ZBTB16: variants seen among roughly 807,000 people sequenced by gnomAD.
ZBTB16 encodes zinc finger and BTB domain containing 16, also known as zinc finger and BTB domain-containing protein 16.
ZBTB16 carries 8 observed loss-of-function variants against 56.8 expected under a neutral mutation model. The ratio of observed to expected loss-of-function variants is 0.14; its 90% CI spans 0.08 to 0.25. The LOEUF (loss-of-function observed/expected upper bound fraction) is 0.25, where lower values mean the gene tolerates loss of function less well. Among genes scored for constraint, ZBTB16 ranks in the 10% least tolerant of loss-of-function variants. The pLI, the probability that ZBTB16 is intolerant of heterozygous loss-of-function variation, is 1.00. For synonymous variants in ZBTB16, 363 were observed against 368.5 expected (o/e 0.98, Z 0.17); for missense variants, 625 against 903.0 (o/e 0.69, Z 3.95).
intron 2 of ZBTB16, among the ~76,000 whole-genome samples, chr11:114,107,966 T>A (rs1940856926): frequency 6.6e-6 from 1 of 151,878 alleles, no homozygotes; most frequent in Non-Finnish European, 1.5e-5. Context: ...CATTTTCACC[T>A]CCTCTCCTCC....
intron 2 of ZBTB16, among the ~76,000 whole-genome samples, chr11:114,147,767 T>TAC (rs1942147343): frequency 2.0e-5 from 3 of 152,256 alleles, no homozygotes; most frequent in Non-Finnish European, 4.4e-5. Context: ...CTGTAATACC[T>TAC]TGCTTACATC....
intron 2 of ZBTB16, among the ~76,000 whole-genome samples, chr11:114,114,988 C>T (rs1237399546): frequency 6.6e-6 from 1 of 152,040 alleles, no homozygotes; most frequent in African/African-American, 2.4e-5. Context: ...TGGCCCAGGT[C>T]GTTCCATGCT....
chr11:114,114,532 C>G (rs1335824151), intron 2 of ZBTB16, among the ~76,000 whole-genome samples: 1 of 152,050 alleles, frequency 6.6e-6, no homozygotes, highest in Non-Finnish European at 1.5e-5. Flanking sequence ...TGTTTCAGTT[C>G]TTATCAAAAA....
At chr11:114,113,948 A>C (rs1239105295) in intron 2 of ZBTB16, among the ~76,000 whole-genome samples, 1 of 152,230 alleles carries the variant, frequency 6.6e-6, no homozygotes, top group Non-Finnish European at 1.5e-5. Context: ...GCCAAGTTTA[A>C]ATCCATGGTA....
chr11:114,182,925 C>T (rs988055015), intron 3 of ZBTB16, among the ~76,000 whole-genome samples: 8 of 152,120 alleles, frequency 5.3e-5, no homozygotes, highest in South Asian at 2.1e-4. Flanking sequence ...CAAAGCTTGG[C>T]GAGGAAATTT....
intron 3 of ZBTB16, among the ~76,000 whole-genome samples, chr11:114,179,080 C>G (rs533088885): frequency 2.0e-5 from 3 of 152,210 alleles, no homozygotes; most frequent in Admixed American, 1.3e-4. Context: ...GAGGATCTTT[C>G]CCCACAGCCT....
intron 2 of ZBTB16, among the ~76,000 whole-genome samples, chr11:114,107,407 C>T (rs935491118): frequency 2.0e-5 from 3 of 152,132 alleles, no homozygotes; most frequent in Non-Finnish European, 4.4e-5. Flanking sequence ...TCTTGTGTTC[C>T]GTCCTCCCCA....
At chr11:114,129,739 C>T (rs181678005) in intron 2 of ZBTB16, among the ~76,000 whole-genome samples, 7 of 152,348 alleles carry the variant, frequency 4.6e-5, no homozygotes, top group South Asian at 2.1e-4. Context: ...GCTGGCAAGC[C>T]GCAATGACGC....
At chr11:114,149,086 C>A (rs1158907112) in intron 2 of ZBTB16, among the ~76,000 whole-genome samples, 1 of 152,070 alleles carries the variant, frequency 6.6e-6, no homozygotes, top group Non-Finnish European at 1.5e-5. Context: ...TATAATCCAG[C>A]CAGCACAGAC....
chr11:114,162,877 T>TTC (rs145096193), intron 3 of ZBTB16, among the ~76,000 whole-genome samples: 2 of 151,984 alleles, frequency 1.3e-5, no homozygotes, highest in Admixed American at 6.6e-5. Flanking sequence ...ACACTTCTCT[T>TTC]TCTCTCTCTC....
At chr11:114,229,970 A>C (rs1451681875) in intron 4 of ZBTB16, among the ~76,000 whole-genome samples, 1 of 152,188 alleles carries the variant, frequency 6.6e-6, no homozygotes, top group Admixed American at 6.5e-5. Context: ...CTCTGAACGC[A>C]GTGAAATCAG....
At chr11:114,212,065 G>A (rs997093414) in intron 4 of ZBTB16, among the ~76,000 whole-genome samples, 15 of 151,850 alleles carry the variant, frequency 9.9e-5, no homozygotes, top group Non-Finnish European at 1.8e-4. Context: ...GTGTCTTGCC[G>A]CCAGCCCACC....
At chr11:114,106,558 C>T (rs558570151) in intron 2 of ZBTB16, among the ~76,000 whole-genome samples, 3 of 151,732 alleles carry the variant, frequency 2.0e-5, no homozygotes, top group African/African-American at 4.8e-5. Context: ...GCAGTCTCCA[C>T]CTCCTGGGTT....
At chr11:114,235,659 TTTC>T (rs1261977005) in intron 4 of ZBTB16, among the ~76,000 whole-genome samples, 5 of 23,668 alleles carry the variant, frequency 2.1e-4, no homozygotes, top group Admixed American at 4.1e-4. Context: ...TCTTTCTTTC[TTTC>T]TTTCTTTCTT....
intron 2 of ZBTB16, among the ~76,000 whole-genome samples, chr11:114,101,134 A>G (rs546100461): frequency 6.6e-6 from 1 of 152,242 alleles, no homozygotes; most frequent in African/African-American, 2.4e-5. Flanking sequence ...CCTCCCAAGT[A>G]GCTGGGATTA....
chr11:114,235,652 TTC>T (rs1398089673), intron 4 of ZBTB16, among the ~76,000 whole-genome samples: 14 of 23,050 alleles, frequency 6.1e-4, no homozygotes, highest in African/African-American at 1.3e-3. Context: ...CTTTCTTTCT[TTC>T]TTTCTTTCTT....
chr11:114,132,992 GT>G (rs1219336672), intron 2 of ZBTB16, among the ~76,000 whole-genome samples: 1 of 152,154 alleles, frequency 6.6e-6, no homozygotes, highest in East Asian at 1.9e-4. Context: ...AATGCTTGAG[GT>G]TTCGGCTTCT....
chr11:114,148,403 CCCT>C (rs1565651700), intron 2 of ZBTB16, among the ~76,000 whole-genome samples: 1 of 27,308 alleles, frequency 3.7e-5, no homozygotes, highest in African/African-American at 1.8e-4. Context: ...TTCCCTCCCT[CCCT>C]CCCTCCCTCC....
At chr11:114,247,696 A>AGTT (rs2135212048) in intron 6 of ZBTB16, among the ~76,000 whole-genome samples, 1 of 152,320 alleles carries the variant, frequency 6.6e-6, no homozygotes, top group South Asian at 2.1e-4. Context: ...ATTAGGGGTA[A>AGTT]GTTGGTCCAA....
Sources: allele counts gnomAD v4.1 joint callset (sites outside exome capture counted in the v4.1 genomes callset), GRCh38; gene constraint gnomAD v4.1.1; transcripts MANE v1.5; gene names NCBI Gene and HGNC (gene_info 2026-07-23, HGNC 2026-07-21).